The following MYO3A variants were observed in gnomAD, a reference collection of about 807,000 sequenced individuals.
MYO3A encodes the protein myosin-IIIa.
Under a neutral mutation model 192.7 loss-of-function variants are expected in MYO3A, and 180 were observed. The ratio of observed to expected loss-of-function variants is 0.93; its 90% CI spans 0.83 to 1.06. The LOEUF (loss-of-function observed/expected upper bound fraction) is 1.06. Ranked by LOEUF, MYO3A falls within the 50% of genes least tolerant of loss-of-function variation. The pLI, the probability that MYO3A is intolerant of heterozygous loss-of-function variation, is 0.00. For synonymous variants in MYO3A, 628 were observed against 645.3 expected (o/e 0.97, Z 0.41); for missense variants, 1,896 against 1,905.0 (o/e 1.00, Z 0.09).
At chr10:26,184,398 G>A (rs1842766476) in intron 31 of MYO3A, among the ~76,000 whole-genome samples, 1 of 152,150 alleles carries the variant, frequency 6.6e-6, no homozygotes, top group South Asian at 2.1e-4. Flanking sequence ...AAACTGAAAA[G>A]TTGATTTATT....
intron 4 of MYO3A, among the ~76,000 whole-genome samples, chr10:25,956,495 A>ATTTTTTTTTTTTTTTTTTTTTTTTT (rs562368305): frequency 3.9e-5 from 5 of 128,846 alleles, no homozygotes; most frequent in Non-Finnish European, 6.6e-5. Flanking sequence ...GCCCAGCTAA[A>ATTTTTTTTTTTTTTTTTTTTTTTTT]TTTTTTTTTT....
At chr10:26,194,181 C>T (rs1308219215) in intron 32 of MYO3A, among the ~76,000 whole-genome samples, 1 of 152,172 alleles carries the variant, frequency 6.6e-6, no homozygotes, top group Non-Finnish European at 1.5e-5. Context: ...TCAGGTCCCA[C>T]GTAACTGCCT....
chr10:26,048,932 A>G (rs72795826), intron 10 of MYO3A, among the ~76,000 whole-genome samples: 24,746 of 152,210 alleles, frequency 0.16, 2,308 homozygotes, highest in Non-Finnish European at 0.21. Context: ...CTGGGAAACA[A>G]CAACATTTAG....
intron 4 of MYO3A, among the ~76,000 whole-genome samples, chr10:25,994,646 A>G (rs984392670): frequency 2.6e-5 from 4 of 152,148 alleles, no homozygotes; most frequent in Non-Finnish European, 5.9e-5. Context: ...AGTGGCTGGT[A>G]CTGGTTGTTC....
chr10:25,977,110 G>A (rs988905697), intron 4 of MYO3A, among the ~76,000 whole-genome samples: 1 of 152,150 alleles, frequency 6.6e-6, no homozygotes, highest in Non-Finnish European at 1.5e-5. Flanking sequence ...AATTCTAAAT[G>A]AAGAATTAGA....
At chr10:26,009,175 A>G (rs917390979) in intron 6 of MYO3A, among the ~76,000 whole-genome samples, 4 of 151,080 alleles carry the variant, frequency 2.6e-5, no homozygotes, top group South Asian at 2.1e-4. Context: ...GGAATTGAAC[A>G]GTGAGAACAC....
intron 32 of MYO3A, among the ~76,000 whole-genome samples, chr10:26,194,812 A>G (rs976556221): frequency 6.6e-6 from 1 of 152,140 alleles, no homozygotes; most frequent in African/African-American, 2.4e-5. Flanking sequence ...ATCTCTCTGT[A>G]GCTCCAGACT....
In MYO3A at chr10:26,125,429, G is replaced by T. The variant is rs745768108; in HGVS notation, c.1935G>T (p.Glu645Asp). 48 of 1,613,922 alleles carry T rather than the reference G, an allele frequency of 3.0e-5. No individual in the cohort carries two copies. In the South Asian group the frequency reaches 4.5e-4, roughly 15 times the overall value. ...CASLLCIRAD[E>D]LQEALTSHCV... ...CTTTGCTTTGCATTCGGGCAGATGA[G>T]CTACAAGAAGCTCTCACCTCCCACT... Residue 645 changes from glutamate to aspartate, a missense_variant, in exon 19 of 35, where the codon GAG becomes GAT. Glu to Asp is a conservative substitution (Grantham distance 45, BLOSUM62 2). Coordinates refer to ENST00000642920, the MANE Select transcript of MYO3A (RefSeq NM_017433.5).
intron 31 of MYO3A, among the ~76,000 whole-genome samples, chr10:26,185,740 C>T (rs887935677): frequency 2.0e-5 from 3 of 152,110 alleles, no homozygotes; most frequent in East Asian, 1.9e-4. Context: ...TTACTCACCC[C>T]CAACCAAGGG....
At position 26,212,029 on chromosome 10, in the gene MYO3A, A is replaced by G; in HGVS notation, c.*66A>G. 6.3e-7 allele frequency: 1 copy of G among 1,576,680 alleles called. No individual in the cohort carries two copies. Among genetic ancestry groups the G allele is most frequent in the Non-Finnish European group, 8.6e-7 (1 of 1,158,128 alleles). ...GCCTGCGGGGCAGCAGGGGCCAAGC[A>G]GGCACTCTGGGGCTGGCACCAGCAG... On this transcript the variant is annotated 3_prime_UTR_variant, in exon 35 of 35. Coordinates refer to ENST00000642920, the MANE Select transcript of MYO3A (RefSeq NM_017433.5).
chr10:25,960,202 A>G (rs376321896), intron 4 of MYO3A, among the ~76,000 whole-genome samples: 7 of 152,144 alleles, frequency 4.6e-5, no homozygotes, highest in African/African-American at 1.4e-4. Context: ...ATGGAGATTC[A>G]TGAGTAAGAG....
At chr10:25,978,838 T>G (rs141496766) in intron 4 of MYO3A, among the ~76,000 whole-genome samples, 28 of 152,310 alleles carry the variant, frequency 1.8e-4, no homozygotes, top group African/African-American at 5.3e-4. Context: ...ATTTCTATAT[T>G]TATATTTTCA....
intron 4 of MYO3A, among the ~76,000 whole-genome samples, chr10:25,975,518 C>CTA (rs149226955): frequency 0.03 from 4,595 of 152,188 alleles, 223 homozygotes; most frequent in African/African-American, 0.1. Context: ...TAAGGTTTCT[C>CTA]TAGGGTCTAC....
At chr10:26,206,285 T>C (rs370166645) in intron 34 of MYO3A, among the ~76,000 whole-genome samples, 5 of 151,502 alleles carry the variant, frequency 3.3e-5, no homozygotes, top group East Asian at 3.9e-4. Context: ...GGTCTTGAAC[T>C]TCTGGCCTCA....
At chr10:26,159,321 T>A (rs932043911) in intron 26 of MYO3A, among the ~76,000 whole-genome samples, 1 of 151,024 alleles carries the variant, frequency 6.6e-6, no homozygotes, top group African/African-American at 2.4e-5. Context: ...GTTCAGCAAA[T>A]TTGTGGTAGT....
In MYO3A at chr10:26,104,866, TACACAC is replaced by T. The variant is rs60219721; in HGVS notation, c.1776+8209_1776+8214del. On this transcript the variant is annotated intron_variant, in intron 17 of 34. Coordinates refer to ENST00000642920, the MANE Select transcript of MYO3A (RefSeq NM_017433.5). ...CTAGTCCCAGAGTCTTGTTTATAGA[TACACAC>T]ACACACACACACACACACACACACC... Among the ~76,000 whole-genome samples, 60 of 148,094 alleles carry T rather than the reference TACACAC, an allele frequency of 4.1e-4. 1 individual carries two copies. The highest frequency in any genetic ancestry group is 1.1e-3 in the African/African-American group (45 of 40,320).
intron 10 of MYO3A, among the ~76,000 whole-genome samples, chr10:26,065,581 T>G (rs1361056068): frequency 1.7e-5 from 1 of 57,364 alleles, no homozygotes. Context: ...CGAGACTCCA[T>G]CTCCAAAAAA....
chr10:26,152,849 C>T (rs1379512260), intron 23 of MYO3A, among the ~76,000 whole-genome samples: 1 of 152,218 alleles, frequency 6.6e-6, no homozygotes, highest in Admixed American at 6.5e-5. Flanking sequence ...CCCTGGAGTT[C>T]GGATGGAGGG....
intron 1 of MYO3A, among the ~76,000 whole-genome samples, chr10:25,934,906 G>A (rs10828915): frequency 0.72 from 109,712 of 151,816 alleles, 40,029 homozygotes; most frequent in African/African-American, 0.81. Context: ...AACTTGGGAA[G>A]GAAACGTAAG....
Sources: allele counts gnomAD v4.1 joint callset (sites outside exome capture counted in the v4.1 genomes callset), GRCh38; gene constraint gnomAD v4.1.1; transcripts MANE v1.5; gene names NCBI Gene and HGNC (gene_info 2026-07-23, HGNC 2026-07-21).